The following NUMB variants were observed in gnomAD, a reference collection of about 807,000 sequenced individuals.
NUMB encodes NUMB endocytic adaptor protein.
In NUMB, 29 loss-of-function variants were observed where a neutral mutation model predicts 59.7. The observed-to-expected ratio is 0.49, with a 90% confidence interval of 0.36 to 0.66. NUMB has a LOEUF of 0.66. Among genes scored for constraint, NUMB ranks in the 30% least tolerant of loss-of-function variants. The pLI, the probability that NUMB is intolerant of heterozygous loss-of-function variation, is 0.00. For missense variants in NUMB, 723 were observed against 822.0 expected (o/e 0.88, Z 1.47); for synonymous variants, 288 against 288.2 (o/e 1.00, Z 0.01).
intron 1 of NUMB, among the ~76,000 whole-genome samples, chr14:73,445,714 A>C (rs150175043): frequency 6.6e-6 from 1 of 152,188 alleles, no homozygotes; most frequent in African/African-American, 2.4e-5. Flanking sequence ...ATTATCTCAT[A>C]TAACCTTCAA....
rs796719202 is a variant in NUMB at position 73,445,376 on chromosome 14, A to C, written c.-233+13117T>G. 1.0e-4 allele frequency among the ~76,000 whole-genome samples: 15 copies of C among 142,882 alleles called. 1 individual carries two copies. In the South Asian group the frequency reaches 1.9e-3, roughly 18 times the overall value. 93.7% of individuals were successfully genotyped at this position (142,882 alleles called of 152,430 possible). A position where few individuals can be genotyped will look rare whatever the true frequency, so the allele number is the denominator to read the frequency against. On this transcript the variant is annotated intron_variant, in intron 1 of 12. Transcript: ENST00000555238. The stretch of plus-strand genomic sequence containing the variant: ...TCTCAAAAAAAAAAAAAAAAAAAAA[A>C]AAAAAAAAAAAAAAAAAAAACTTAC...
intron 4 of NUMB, among the ~76,000 whole-genome samples, chr14:73,338,072 G>A (rs1449895758): frequency 6.6e-6 from 1 of 152,084 alleles, no homozygotes; most frequent in Non-Finnish European, 1.5e-5. Flanking sequence ...ATTGCTTGAG[G>A]CCAGGAGTTT....
At chr14:73,306,049 G>T (rs183180814) in intron 6 of NUMB, among the ~76,000 whole-genome samples, 2 of 152,284 alleles carry the variant, frequency 1.3e-5, no homozygotes, top group East Asian at 3.9e-4. Context: ...CCAAAATCCA[G>T]TGAATATACC....
chr14:73,321,130 A>G (rs1334713578), intron 5 of NUMB, among the ~76,000 whole-genome samples: 2 of 152,160 alleles, frequency 1.3e-5, no homozygotes, highest in African/African-American at 4.8e-5. Flanking sequence ...CCGTTTCTCA[A>G]TATGTTCTGG....
rs1411647954 is a variant in NUMB, at chr14:73,276,830, G to A, written c.1704C>T (p.Ser568=). ...TAAAGAAGGGACTGGTGGTAGCACT[G>A]CTTGCCTCGTAGTGAGGGAATGTCT... ...RQQTFPHYEA[S]SATTSPFFKP... Residue 568 remains serine (S), a synonymous_variant, in exon 13 of 13, where the codon AGC becomes AGT. Transcript: ENST00000555238. 3 of 1,614,048 alleles carry A rather than the reference G, an allele frequency of 1.9e-6. No individual in the cohort carries two copies. The highest frequency in any genetic ancestry group is 2.2e-5 in the East Asian group (1 of 44,900).
At chr14:73,316,520 A>G in intron 5 of NUMB, 98 bp from the exon 6 acceptor site, 1 of 1,149,086 alleles carries the variant, frequency 8.7e-7, no homozygotes, top group Non-Finnish European at 1.3e-6. Flanking sequence ...GGGGAAAGGA[A>G]AAAGTGGGAG....
intron 9 of NUMB, 127 bp from the exon 10 acceptor site, chr14:73,284,501 A>T: frequency 2.6e-6 from 2 of 760,332 alleles, no homozygotes; most frequent in Non-Finnish European, 4.3e-6. Flanking sequence ...CTTAAAACAT[A>T]AGTTAGAAGC....
intron 4 of NUMB, among the ~76,000 whole-genome samples, chr14:73,354,300 G>C (rs902994243): frequency 1.3e-5 from 2 of 152,040 alleles, no homozygotes; most frequent in African/African-American, 2.4e-5. Flanking sequence ...CTTGAGGTCA[G>C]GAGTTCAAGA....
chr14:73,448,099 T>C (rs555081936), intron 1 of NUMB, among the ~76,000 whole-genome samples: 1 of 151,870 alleles, frequency 6.6e-6, no homozygotes, highest in Non-Finnish European at 1.5e-5. Flanking sequence ...ATCTGGCCTC[T>C]AATATTTTCA....
intron 4 of NUMB, among the ~76,000 whole-genome samples, chr14:73,345,639 A>G (rs1008887049): frequency 1.3e-5 from 2 of 152,156 alleles, no homozygotes; most frequent in Admixed American, 1.3e-4. Context: ...GGCCGGGCAC[A>G]GTGGCTCAAG....
intron 3 of NUMB, among the ~76,000 whole-genome samples, chr14:73,357,326 C>G (rs1893846946): frequency 6.7e-6 from 1 of 149,326 alleles, no homozygotes; most frequent in African/African-American, 2.5e-5. Context: ...TCACTTGAAC[C>G]TGGGGGGCAG....
intron 4 of NUMB, among the ~76,000 whole-genome samples, chr14:73,349,503 C>T (rs778389784): frequency 1.1e-4 from 17 of 149,544 alleles, no homozygotes; most frequent in Non-Finnish European, 2.2e-4. Flanking sequence ...GAACCTGGGA[C>T]GCAGAGGCTG....
chr14:73,294,008 T>C (rs1340201680), intron 7 of NUMB, among the ~76,000 whole-genome samples: 1 of 152,264 alleles, frequency 6.6e-6, no homozygotes, highest in African/African-American at 2.4e-5. Context: ...TTGATTGTTA[T>C]TTTGATGAGA....
chr14:73,277,339 T>C (rs1888242233), intron 12 of NUMB, 46 bp from the exon 13 acceptor site: 2 of 1,361,096 alleles, frequency 1.5e-6, no homozygotes, highest in East Asian at 2.4e-5. Context: ...TAGGGGCATC[T>C]TTCCTCACCT....
rs373824716 is a variant in NUMB at position 73,449,028 on chromosome 14, C to T, written c.-233+9465G>A. Reference sequence around the variant, plus strand: ...AATGGATGGTTGTAATGAACATGTACCTACTTTTCTTTCTTGTCATTATAC... The same window carrying T: ...AATGGATGGTTGTAATGAACATGTATCTACTTTTCTTTCTTGTCATTATAC... On this transcript the variant is annotated intron_variant, in intron 1 of 12. Transcript: ENST00000555238. Among the ~76,000 whole-genome samples, 42 of 152,126 alleles carry T rather than the reference C, an allele frequency of 2.8e-4. 1 individual carries two copies. In the South Asian group the frequency reaches 8.1e-3, roughly 29 times the overall value.
intron 2 of NUMB, among the ~76,000 whole-genome samples, chr14:73,372,296 A>G (rs1415745876): frequency 2.4e-5 from 2 of 83,146 alleles, no homozygotes; most frequent in South Asian, 6.3e-4. Flanking sequence ...GAATATATAT[A>G]TATTTCTTTT....
At chr14:73,291,184 G>A (rs545509218) in intron 8 of NUMB, among the ~76,000 whole-genome samples, 10 of 150,972 alleles carry the variant, frequency 6.6e-5, no homozygotes, top group South Asian at 4.2e-4. Flanking sequence ...GGGTTCAAGC[G>A]ATTCTCGTGC....
intron 2 of NUMB, among the ~76,000 whole-genome samples, chr14:73,380,059 G>C (rs1378090427): frequency 6.6e-6 from 1 of 152,186 alleles, no homozygotes; most frequent in Non-Finnish European, 1.5e-5. Flanking sequence ...GCTTGGACCA[G>C]AGTGACAACA....
intron 2 of NUMB, among the ~76,000 whole-genome samples, chr14:73,401,920 G>A (rs1379563257): frequency 2.0e-5 from 3 of 152,076 alleles, no homozygotes; most frequent in Non-Finnish European, 4.4e-5. Context: ...AGAGCAGTGG[G>A]GTACAATCAG....
Sources: allele counts gnomAD v4.1 joint callset (sites outside exome capture counted in the v4.1 genomes callset), GRCh38; gene constraint gnomAD v4.1.1; transcripts MANE v1.5; gene names NCBI Gene and HGNC (gene_info 2026-07-23, HGNC 2026-07-21).